SLC16A1: variants seen among roughly 807,000 people sequenced by gnomAD.
SLC16A1 encodes monocarboxylate transporter 1.
In SLC16A1, 11 loss-of-function variants were observed where a neutral mutation model predicts 32.2. The ratio of observed to expected loss-of-function variants is 0.34; its 90% CI spans 0.21 to 0.56. The LOEUF (loss-of-function observed/expected upper bound fraction) is 0.56. SLC16A1 is among the 20% of genes least tolerant of loss of function. The pLI is 0.87. For missense variants in SLC16A1, 435 were observed against 615.0 expected, an observed-to-expected ratio of 0.71 and a Z score of 3.10; for synonymous variants, 231 against 226.8, an observed-to-expected ratio of 1.02 and a Z score of -0.17.
intron 1 of SLC16A1, among the ~76,000 whole-genome samples, chr1:112,952,311 T>C (rs1419815738): frequency 2.0e-5 from 3 of 152,196 alleles, no homozygotes; most frequent in Non-Finnish European, 4.4e-5. Flanking sequence ...CCATTGAAAG[T>C]AATGGCAAAA....
At chr1:112,924,821 A>C (rs1389692201) in intron 2 of SLC16A1, among the ~76,000 whole-genome samples, 2 of 152,126 alleles carry the variant, frequency 1.3e-5, no homozygotes, top group South Asian at 4.1e-4. Flanking sequence ...GGGAGGCAGA[A>C]GTTGCAGTGA....
chr1:112,950,746 C>T (rs1424672916), intron 1 of SLC16A1, among the ~76,000 whole-genome samples: 1 of 152,184 alleles, frequency 6.6e-6, no homozygotes, highest in African/African-American at 2.4e-5. Flanking sequence ...CCTGTAATCC[C>T]AGCACTTTGG....
rs606231311 is a variant in SLC16A1 at position 112,917,655 on chromosome 1, GATTA to G, written c.747_750del (p.Asn250SerfsTer5). 1.2e-5 allele frequency: 20 copies of G among 1,614,140 alleles called. No individual in the cohort carries two copies. Among genetic ancestry groups the G allele is most frequent in the Non-Finnish European group, 1.6e-5 (19 of 1,180,058 alleles). ...GTGAATAGGGTTAAGTCCAGGAACT[GATTA>G]ATTGTTTGGAAGACTGATCGTTTCT... On this transcript the variant is annotated frameshift_variant, in exon 4 of 5. Transcript: ENST00000369626. LOFTEE classifies it high-confidence loss of function. The surrounding 1 kb of genome is among the most constrained non-coding windows in gnomAD (Gnocchi z 4.1).
chr1:112,912,084 A>T lies in SLC16A1; in HGVS notation c.*1807T>A, dbSNP rs887335238. ...TCTGCCATGATGCCCAGGCATACAA[A>T]GGGAGTTTTTCATTGTTTCCTTAAG... On this transcript the variant is annotated 3_prime_UTR_variant, in exon 5 of 5. Transcript: ENST00000369626. 2.0e-5 allele frequency: 3 copies of T among 152,256 alleles called. No homozygotes were observed. The highest frequency in any genetic ancestry group is 7.2e-5 in the African/African-American group (3 of 41,476). The allele number at this position is 152,256 out of a possible 1,614,324, so 9.4% of individuals were successfully genotyped here.
chr1:112,952,472 T>C (rs1163671445), intron 1 of SLC16A1, among the ~76,000 whole-genome samples: 1 of 152,190 alleles, frequency 6.6e-6, no homozygotes, highest in Non-Finnish European at 1.5e-5. Flanking sequence ...AACCAACCAA[T>C]TATTTAAAAA....
chr1:112,941,472 G>A (rs1026144094), intron 1 of SLC16A1, among the ~76,000 whole-genome samples: 16 of 152,096 alleles, frequency 1.1e-4, no homozygotes, highest in South Asian at 4.2e-4. Flanking sequence ...TAGTAGAGAC[G>A]GGGTTTCTCC....
At chr1:112,951,191 G>A (rs1649878024) in intron 1 of SLC16A1, among the ~76,000 whole-genome samples, 1 of 151,778 alleles carries the variant, frequency 6.6e-6, no homozygotes, top group African/African-American at 2.4e-5. Context: ...CTCCCTTCCT[G>A]CAAAGAGAAA....
intron 1 of SLC16A1, among the ~76,000 whole-genome samples, chr1:112,932,520 C>T (rs921987232): frequency 6.6e-6 from 1 of 151,366 alleles, no homozygotes; most frequent in Non-Finnish European, 1.5e-5. Context: ...GACCTTGTCT[C>T]GGCCAGGTGC....
At chr1:112,938,994 G>A (rs954456470) in intron 1 of SLC16A1, among the ~76,000 whole-genome samples, 6 of 150,986 alleles carry the variant, frequency 4.0e-5, no homozygotes, top group East Asian at 1.9e-4. Context: ...GGTTTCAAAC[G>A]ATTCTCCTGC....
intron 2 of SLC16A1, 27 bp downstream of exon 2, chr1:112,929,065 A>G: frequency 6.4e-7 from 1 of 1,556,800 alleles, no homozygotes; most frequent in Non-Finnish European, 8.9e-7. Flanking sequence ...ATGAAAATTA[A>G]AAGAGCAGGC....
At chr1:112,932,355 C>T (rs184054687) in intron 1 of SLC16A1, among the ~76,000 whole-genome samples, 19 of 152,130 alleles carry the variant, frequency 1.2e-4, no homozygotes, top group East Asian at 1.9e-4. Context: ...GACAACACAG[C>T]GAGACCCTAC....
Position 112,917,978 on chromosome 1 carries a change from C to T in SLC16A1, c.428G>A (p.Arg143Gln), listed in dbSNP as rs1480274755. The change falls in exon 4 of 5, where the codon CGA (arginine) becomes CAA (glutamine). Residue 143 changes from arginine (R) to glutamine (Q), a missense_variant. This residue lies in a region of SLC16A1 where 324 missense variants were observed against 500.3 expected (regional missense o/e 0.65). Transcript: ENST00000369626. This position sits in a 1 kb window ranked among gnomAD's most constrained non-coding sequence, Gnocchi z 4.1. ...CATGGCCAGTCCGTTGGCCAATGGTCGCCTCTTGTAGAAATACTTGCCAAT... is the reference window on the plus strand; with the variant it reads ...CATGGCCAGTCCGTTGGCCAATGGTTGCCTCTTGTAGAAATACTTGCCAAT... ...TMIGKYFYKR[R>Q]PLANGLAMAG... 2 of 1,591,204 alleles carry T rather than the reference C, an allele frequency of 1.3e-6. No individual in the cohort carries two copies. The highest frequency in any genetic ancestry group is 2.2e-5 in the East Asian group (1 of 44,808).
At chr1:112,949,987 A>C (rs1331107123) in intron 1 of SLC16A1, among the ~76,000 whole-genome samples, 1 of 152,266 alleles carries the variant, frequency 6.6e-6, no homozygotes, top group Non-Finnish European at 1.5e-5. Flanking sequence ...TGATAAGCTT[A>C]AACAATTTCA....
At position 112,922,015 on chromosome 1, in the gene SLC16A1, T is replaced by C. The variant is rs1349373449; in HGVS notation, c.336A>G (p.Leu112=). Residue 112 remains leucine, a synonymous_variant, in exon 3 of 5, where the codon CTA becomes CTG. Transcript: ENST00000369626. The part of the protein sequence containing the change: ...AASFCNTVQQ[L]YVCIGVIGGL... ...CTCCAATGACTCCAATACAGACGTA[T>C]AGTTGCTGTACGGTGTTACAGAAAG... is the stretch of plus-strand genomic sequence containing the variant. 2 of 1,614,052 alleles carry C rather than the reference T, an allele frequency of 1.2e-6. No homozygotes were observed. The highest frequency in any genetic ancestry group is 2.2e-5 in the East Asian group (1 of 44,886).
Position 112,914,166 on chromosome 1 carries a change from C to A in SLC16A1, c.1229-1G>T. ...TCTCCATACATGTCATTGAGCCGAC[C>A]TAAATATGTAAAACAACACAAACAG... On this transcript the variant is annotated splice_acceptor_variant, in intron 4 of 4. Transcript: ENST00000369626. LOFTEE classifies it high-confidence loss of function. 1 of 1,614,056 alleles carries A rather than the reference C, an allele frequency of 6.2e-7. No individual in the cohort carries two copies. The highest frequency in any genetic ancestry group is 8.5e-7 in the Non-Finnish European group (1 of 1,179,994).
chr1:112,931,481 A>T (rs1361324158), intron 1 of SLC16A1, among the ~76,000 whole-genome samples: 2 of 151,822 alleles, frequency 1.3e-5, no homozygotes, highest in Non-Finnish European at 2.9e-5. Context: ...CCCCATTTCT[A>T]CTAAAAATAC....
chr1:112,951,921 G>C (rs1161753840), intron 1 of SLC16A1, among the ~76,000 whole-genome samples: 1 of 152,076 alleles, frequency 6.6e-6, no homozygotes, highest in Non-Finnish European at 1.5e-5. Context: ...ATAAATGGTA[G>C]AATTAAAGGC....
At chr1:112,949,278 A>C (rs4839271) in intron 1 of SLC16A1, among the ~76,000 whole-genome samples, 1,667 of 152,034 alleles carry the variant, frequency 0.011, 13 homozygotes, top group Non-Finnish European at 0.018. Flanking sequence ...CGAACTCTCA[A>C]CCTCAGGTGA....
intron 1 of SLC16A1, among the ~76,000 whole-genome samples, chr1:112,937,681 C>G (rs1054228959): frequency 6.6e-6 from 1 of 152,122 alleles, no homozygotes; most frequent in Non-Finnish European, 1.5e-5. Flanking sequence ...CTTGAGAAAG[C>G]AGAGCACATG....
Sources: gnomAD v4.1 joint callset for allele counts (sites outside exome capture counted in the v4.1 genomes callset) on GRCh38, gnomAD v4.1.1 for gene constraint, gnomAD v4.1.1 regional missense constraint, Gnocchi (gnomAD v3.1) non-coding constraint, MANE v1.5 for transcripts, NCBI Gene and HGNC (gene_info 2026-07-23, HGNC 2026-07-21) for gene names.